Variants in CFAP91 observed in about 807,000 individuals in gnomAD.
CFAP91 encodes cilia- and flagella-associated protein 91.
In CFAP91, 85 loss-of-function variants were observed where a neutral mutation model predicts 95.9. That is an observed-to-expected ratio of 0.89 (90% CI 0.74 to 1.06). The LOEUF (loss-of-function observed/expected upper bound fraction) is 1.06. Among genes scored for constraint, CFAP91 ranks in the 50% least tolerant of loss-of-function variants. CFAP91 has a pLI of 0.00. For synonymous variants in CFAP91, 335 were observed against 327.5 expected (o/e 1.02, Z -0.25); for missense variants, 962 against 943.4 (o/e 1.02, Z -0.26).
intron 5 of CFAP91, 154 bp downstream of exon 5, chr3:119,710,049 C>A: frequency 1.7e-6 from 1 of 597,614 alleles, no homozygotes; most frequent in Admixed American, 3.1e-5. Context: ...TCATGAGCAG[C>A]ATTTTAAAAC....
chr3:119,703,050 C>G lies in CFAP91; in HGVS notation c.-49C>G. ...ACCATAGCGACGTGCACGCAGTAGCCAGGCCTGACCCGCTGGTCCCTTGCT... is the reference window on the plus strand; with the variant it reads ...ACCATAGCGACGTGCACGCAGTAGCGAGGCCTGACCCGCTGGTCCCTTGCT... On this transcript the variant is annotated 5_prime_UTR_variant, in exon 1 of 18. Transcript: ENST00000273390. The G allele has an allele frequency of 6.5e-7, 1 of 1,543,534 alleles. No individual in the cohort carries two copies. Among genetic ancestry groups the G allele is most frequent in the Non-Finnish European group, 8.8e-7 (1 of 1,142,816 alleles).
intron 6 of CFAP91, among the ~76,000 whole-genome samples, chr3:119,721,429 A>G (rs1387369343): frequency 6.6e-6 from 1 of 152,244 alleles, no homozygotes; most frequent in African/African-American, 2.4e-5. Flanking sequence ...GACATTGGTA[A>G]TGCTCATTAT....
intron 17 of CFAP91, among the ~76,000 whole-genome samples, chr3:119,759,616 T>C (rs1194228704): frequency 1.3e-5 from 2 of 151,966 alleles, no homozygotes; most frequent in Non-Finnish European, 2.9e-5. Context: ...GTAATGATGG[T>C]GTGTAAATCA....
chr3:119,706,657 T>G (rs2053369778), intron 1 of CFAP91, 152 bp from the exon 2 acceptor site: 9 of 620,572 alleles, frequency 1.5e-5, no homozygotes, highest in Middle Eastern at 4.3e-4. Context: ...CAGGGCCACA[T>G]GCACAACAGA....
At chr3:119,764,798 G>T (rs1344582916) in intron 17 of CFAP91, among the ~76,000 whole-genome samples, 1 of 151,936 alleles carries the variant, frequency 6.6e-6, no homozygotes, top group Non-Finnish European at 1.5e-5. Context: ...ATTTTTTTAT[G>T]ATGTATGTAT....
rs992867644 is a variant in CFAP91, at chr3:119,763,431, A to G, written c.*2-1621A>G. Reference sequence around the variant, plus strand: ...TGGAGGTCCTCAAAAAATAAAAAATAGAACTACCATATGATCCAGCAATTC... The same window carrying G: ...TGGAGGTCCTCAAAAAATAAAAAATGGAACTACCATATGATCCAGCAATTC... On this transcript the variant is annotated intron_variant, in intron 17 of 17. Coordinates refer to ENST00000273390, the MANE Select transcript of CFAP91 (RefSeq NM_033364.4). Among the ~76,000 whole-genome samples, 4 of 152,090 alleles carry G rather than the reference A, an allele frequency of 2.6e-5. 1 individual carries two copies. Among genetic ancestry groups the G allele is most frequent in the Admixed American group, 2.6e-4 (4 of 15,274 alleles).
At chr3:119,754,447 G>GA (rs2054385961) in intron 17 of CFAP91, among the ~76,000 whole-genome samples, 1 of 152,160 alleles carries the variant, frequency 6.6e-6, no homozygotes, top group Non-Finnish European at 1.5e-5. Flanking sequence ...ATTTATATTG[G>GA]AAAAAACGAG....
intron 13 of CFAP91, 140 bp downstream of exon 13, chr3:119,740,835 TTGTGTGTGTG>T (rs57901016): frequency 7.4e-5 from 38 of 515,228 alleles, no homozygotes; most frequent in East Asian, 2.8e-4. Context: ...CTGTCAGCAT[TTGTGTGTGTG>T]TGTGTGTGTG....
chr3:119,718,801 A>G (rs2053626255), intron 6 of CFAP91, among the ~76,000 whole-genome samples: 1 of 152,212 alleles, frequency 6.6e-6, no homozygotes, highest in African/African-American at 2.4e-5. Context: ...AGACATTTTC[A>G]TACATAAGAA....
At chr3:119,763,077 A>G (rs2054567394) in intron 17 of CFAP91, among the ~76,000 whole-genome samples, 1 of 152,060 alleles carries the variant, frequency 6.6e-6, no homozygotes, top group African/African-American at 2.4e-5. Context: ...ATCTGGTAAG[A>G]GGTTAATATT....
intron 10 of CFAP91, among the ~76,000 whole-genome samples, chr3:119,736,316 G>A (rs939604276): frequency 7.8e-6 from 1 of 128,828 alleles, no homozygotes; most frequent in Admixed American, 9.1e-5. Context: ...CTGTTTGTCA[G>A]GCTGGAGGGC....
At chr3:119,708,807 G>C in intron 4 of CFAP91, 133 bp downstream of exon 4, 1 of 572,192 alleles carries the variant, frequency 1.7e-6, no homozygotes, top group Non-Finnish European at 3.1e-6. Context: ...ACATGCATAT[G>C]ATCTAATCGT....
chr3:119,740,767 C>A (rs781717175), intron 13 of CFAP91, 72 bp downstream of exon 13: 4 of 1,479,970 alleles, frequency 2.7e-6, no homozygotes, highest in Admixed American at 2.0e-5. Flanking sequence ...CACACAGCAC[C>A]ATTATAATAA....
intron 10 of CFAP91, among the ~76,000 whole-genome samples, chr3:119,735,532 G>A (rs2053984995): frequency 6.6e-6 from 1 of 152,058 alleles, no homozygotes; most frequent in Admixed American, 6.6e-5. Context: ...CAAATATGCA[G>A]GAATTTTAAC....
rs763831407 is a variant in CFAP91, at chr3:119,747,104, GT to G, written c.1903-5del. 2 of 1,551,742 alleles carry G rather than the reference GT, an allele frequency of 1.3e-6. No individual in the cohort carries two copies. Among genetic ancestry groups the G allele is most frequent in the African/African-American group, 1.4e-5 (1 of 72,540 alleles). ...TACCTGTTTTAGTGAGGGTATTATT[GT>G]TTTTTGCAGGTGGTTAAAGTTCACC... On this transcript the variant is annotated splice_polypyrimidine_tract_variant and intron_variant, in intron 14 of 17. Transcript: ENST00000273390.
Position 119,703,234 on chromosome 3 carries a change from C to T in CFAP91, c.124+12C>T, listed in dbSNP as rs1477299453. On this transcript the variant is annotated intron_variant, in intron 1 of 17. Coordinates refer to ENST00000273390, the MANE Select transcript of CFAP91 (RefSeq NM_033364.4). ...TGATTTTCTGTACGGTAAGGACCGC[C>T]GCAGACCTTCCTCCGCGTCCGTCGC... The T allele has an allele frequency of 1.2e-6, 2 of 1,610,944 alleles. No individual in the cohort carries two copies. Among genetic ancestry groups the T allele is most frequent in the Non-Finnish European group, 1.7e-6 (2 of 1,178,650 alleles).
At chr3:119,703,929 A>G (rs1386049129) in intron 1 of CFAP91, among the ~76,000 whole-genome samples, 1 of 149,602 alleles carries the variant, frequency 6.7e-6, no homozygotes, top group East Asian at 2.0e-4. Context: ...AACTGTAACC[A>G]GCTATAAGCA....
chr3:119,722,761 T>A (rs968509244), intron 6 of CFAP91, among the ~76,000 whole-genome samples: 1 of 151,970 alleles, frequency 6.6e-6, no homozygotes, highest in Non-Finnish European at 1.5e-5. Context: ...CCAAAAGTGC[T>A]GGGATTACAG....
intron 9 of CFAP91, among the ~76,000 whole-genome samples, chr3:119,732,987 C>G (rs972787695): frequency 6.6e-6 from 1 of 152,210 alleles, no homozygotes; most frequent in Non-Finnish European, 1.5e-5. Flanking sequence ...CACTGCTGAA[C>G]TTGTAGCTCT....
Sources: allele counts gnomAD v4.1 joint callset (sites outside exome capture counted in the v4.1 genomes callset), GRCh38; gene constraint gnomAD v4.1.1; transcripts MANE v1.5; gene names NCBI Gene and HGNC (gene_info 2026-07-23, HGNC 2026-07-21).